HIVEP1: variants seen among roughly 807,000 people sequenced by gnomAD.
HIVEP1 encodes zinc finger protein 40.
A neutral mutation model predicts 180.0 loss-of-function variants in HIVEP1; 36 were observed. The ratio of observed to expected loss-of-function variants is 0.20; its 90% CI spans 0.15 to 0.26. The LOEUF (loss-of-function observed/expected upper bound fraction) is 0.26. HIVEP1 is among the 10% of genes least tolerant of loss of function. The pLI is 1.00. For missense variants in HIVEP1, 3,143 were observed against 3,268.7 expected (o/e 0.96, Z 0.94); for synonymous variants, 1,239 against 1,239.0 (o/e 1.00, Z 0.00).
chr6:12,156,133 A>G (rs1760028351), intron 7 of HIVEP1, among the ~76,000 whole-genome samples: 1 of 152,180 alleles, frequency 6.6e-6, no homozygotes, highest in South Asian at 2.1e-4. Context: ...AGTTCCTTGT[A>G]GACTCTGGAC....
chr6:12,154,421 C>G (rs762397105), intron 7 of HIVEP1, among the ~76,000 whole-genome samples: 1 of 152,204 alleles, frequency 6.6e-6, no homozygotes, highest in Non-Finnish European at 1.5e-5. Context: ...TTTCCATGCC[C>G]TTAGCGTGGC....
At chr6:12,093,715 CTCTAT>C (rs145079977) in intron 3 of HIVEP1, among the ~76,000 whole-genome samples, 9,840 of 151,776 alleles carry the variant, frequency 0.065, 358 homozygotes, top group Middle Eastern at 0.14. Context: ...CTTCTTAGCT[CTCTAT>C]TCTGTTCTGT....
Position 12,124,688 on chromosome 6 carries a change from A to G in HIVEP1, c.4893A>G (p.Pro1631=), listed in dbSNP as rs778043083. 3.5e-5 allele frequency: 57 copies of G among 1,614,072 alleles called. No individual in the cohort carries two copies. In the East Asian group the frequency reaches 1.2e-3, roughly 35 times the overall value. Residue 1631 remains proline (P), a synonymous_variant, in exon 4 of 9, where the codon CCA becomes CCG. Coordinates refer to ENST00000379388, the MANE Select transcript of HIVEP1 (RefSeq NM_002114.4). The part of the protein sequence containing the change: ...RPLGSQVQKV[P]SSFMLPIRLQ... ...TTGGAAGTCAGGTGCAGAAGGTGCC[A>G]TCATCATTCATGCTGCCCATACGCC...
At chr6:12,110,439 CT>C (rs1774814596) in intron 3 of HIVEP1, among the ~76,000 whole-genome samples, 1 of 152,254 alleles carries the variant, frequency 6.6e-6, no homozygotes, top group Non-Finnish European at 1.5e-5. Flanking sequence ...GCAAAATCTT[CT>C]GGATAACTTG....
chr6:12,048,775 T>C (rs2113708587), intron 2 of HIVEP1, among the ~76,000 whole-genome samples: 1 of 152,338 alleles, frequency 6.6e-6, no homozygotes, highest in Admixed American at 6.5e-5. Flanking sequence ...GACCCTTTCT[T>C]TCCAGTTACT....
chr6:12,067,148 T>A (rs953309920), intron 2 of HIVEP1, among the ~76,000 whole-genome samples: 3 of 152,214 alleles, frequency 2.0e-5, no homozygotes, highest in East Asian at 1.9e-4. Context: ...AGGGATAGGG[T>A]TAGGGTTTAA....
intron 2 of HIVEP1, among the ~76,000 whole-genome samples, chr6:12,043,354 AATTTTTTTTTT>A (rs1769900027): frequency 7.1e-6 from 1 of 140,332 alleles, no homozygotes; most frequent in South Asian, 2.4e-4. Context: ...TCTAAGTGAA[AATTTTTTTTTT>A]TTTTTTTTTT....
At chr6:12,192,234 G>A in the HIVEP1 span, among the ~76,000 whole-genome samples, 1 of 145,838 alleles carries the variant, frequency 6.9e-6, no homozygotes, top group African/African-American at 2.5e-5. Context: ...TCTTTGATTT[G>A]TATGTTTCAT....
chr6:12,176,434 G>A, the HIVEP1 span, among the ~76,000 whole-genome samples: 8 of 151,974 alleles, frequency 5.3e-5, no homozygotes, highest in Non-Finnish European at 1.0e-4. Context: ...GTTTCACCAT[G>A]TTGGCCAGGC....
chr6:12,007,835 C>A (rs1025879805), upstream of HIVEP1: 2 of 152,172 alleles, frequency 1.3e-5, no homozygotes, highest in African/African-American at 4.8e-5. Context: ...ATGTAAATAA[C>A]TGTATAACTT....
intron 2 of HIVEP1, among the ~76,000 whole-genome samples, chr6:12,027,401 C>T (rs967233141): frequency 5.9e-5 from 9 of 152,144 alleles, no homozygotes; most frequent in African/African-American, 2.2e-4. Flanking sequence ...CCTTAGAGGT[C>T]AAGTTAGTCT....
intron 7 of HIVEP1, among the ~76,000 whole-genome samples, chr6:12,143,425 TATC>T (rs1759175041): frequency 6.6e-6 from 1 of 152,138 alleles, no homozygotes; most frequent in Non-Finnish European, 1.5e-5. Flanking sequence ...CCACAACCAA[TATC>T]ATACTGAATG....
intron 4 of HIVEP1, among the ~76,000 whole-genome samples, chr6:12,126,505 T>C (rs1353681452): frequency 3.3e-5 from 5 of 152,210 alleles, no homozygotes; most frequent in Non-Finnish European, 2.9e-5. Context: ...TGGGGTAATT[T>C]GTGGAATCAG....
chr6:12,168,032 AT>A (rs1186806207), downstream of HIVEP1, among the ~76,000 whole-genome samples: 101 of 48,480 alleles, frequency 2.1e-3, 10 homozygotes, highest in Non-Finnish European at 2.6e-3. Context: ...ATATGTATAT[AT>A]TATATATACA....
intron 7 of HIVEP1, among the ~76,000 whole-genome samples, chr6:12,146,311 C>T (rs1420627378): frequency 1.3e-5 from 2 of 152,054 alleles, no homozygotes; most frequent in Non-Finnish European, 2.9e-5. Context: ...GGCATGATGG[C>T]GCATGCCTGT....
At chr6:12,104,370 C>A (rs1353312130) in intron 3 of HIVEP1, among the ~76,000 whole-genome samples, 1 of 147,828 alleles carries the variant, frequency 6.8e-6, no homozygotes, top group Non-Finnish European at 1.5e-5. Context: ...TATTCTCTCT[C>A]TCTCTCTTTC....
the HIVEP1 span, among the ~76,000 whole-genome samples, chr6:12,201,198 T>C: frequency 2.0e-5 from 3 of 152,234 alleles, no homozygotes; most frequent in African/African-American, 7.2e-5. Flanking sequence ...CAAACAAGGC[T>C]GGTTGCAATG....
intron 5 of HIVEP1, 37 bp downstream of exon 5, chr6:12,129,929 A>G (rs778677461): frequency 7.2e-7 from 1 of 1,387,990 alleles, no homozygotes; most frequent in Non-Finnish European, 1.0e-6. Context: ...GTACATTTAA[A>G]CTGACTTTTT....
chr6:12,064,444 C>T (rs1449121258), intron 2 of HIVEP1, among the ~76,000 whole-genome samples: 3 of 152,102 alleles, frequency 2.0e-5, no homozygotes, highest in East Asian at 1.9e-4. Context: ...GACATCACCA[C>T]GAATTGTAAT....
Sources: allele counts gnomAD v4.1 joint callset (sites outside exome capture counted in the v4.1 genomes callset), GRCh38; gene constraint gnomAD v4.1.1; transcripts MANE v1.5; gene names NCBI Gene and HGNC (gene_info 2026-07-23, HGNC 2026-07-21).